Variants in AGBL4 observed in about 807,000 individuals in gnomAD.
AGBL4 encodes the protein AGBL carboxypeptidase 4, also known as cytosolic carboxypeptidase 6.
Under a neutral mutation model 66.4 loss-of-function variants are expected in AGBL4, and 58 were observed. The ratio of observed to expected loss-of-function variants is 0.87; its 90% CI spans 0.71 to 1.09. AGBL4 has a LOEUF of 1.09. Among genes scored for constraint, AGBL4 ranks in the 50% least tolerant of loss-of-function variants. The pLI, the probability that AGBL4 is intolerant of heterozygous loss-of-function variation, is 0.00. For synonymous variants in AGBL4, 234 were observed against 222.9 expected (o/e 1.05, Z -0.44); for missense variants, 579 against 631.0 (o/e 0.92, Z 0.88).
At chr1:48,955,055 G>C (rs1185306330) in intron 5 of AGBL4, among the ~76,000 whole-genome samples, 1 of 152,064 alleles carries the variant, frequency 6.6e-6, no homozygotes, top group Non-Finnish European at 1.5e-5. Context: ...TTCAGAATTG[G>C]GCCTGTATTT....
At chr1:49,017,590 T>C (rs2149016564) in intron 5 of AGBL4, among the ~76,000 whole-genome samples, 1 of 152,270 alleles carries the variant, frequency 6.6e-6, no homozygotes, top group South Asian at 2.1e-4. Context: ...AAAACCCTGA[T>C]GGATTCCTTC....
At chr1:48,723,107 C>T (rs544521675) in intron 6 of AGBL4, among the ~76,000 whole-genome samples, 6 of 152,170 alleles carry the variant, frequency 3.9e-5, no homozygotes, top group Non-Finnish European at 5.9e-5. Context: ...TCCCATGTAG[C>T]CTGCCACACA....
At chr1:48,776,937 G>T (rs1645129045) in intron 6 of AGBL4, 3 of 564,664 alleles carry the variant, frequency 5.3e-6, no homozygotes, top group Non-Finnish European at 8.7e-6. Flanking sequence ...GCTGGGGGGG[G>T]CGGGGGCGGC....
At chr1:49,779,962 A>C (rs1644296306) in intron 2 of AGBL4, among the ~76,000 whole-genome samples, 1 of 152,160 alleles carries the variant, frequency 6.6e-6, no homozygotes, top group Non-Finnish European at 1.5e-5. Flanking sequence ...CATCAAATAC[A>C]AGGGAACTCA....
intron 4 of AGBL4, among the ~76,000 whole-genome samples, chr1:49,234,821 G>A (rs950549300): frequency 6.6e-6 from 1 of 152,140 alleles, no homozygotes; most frequent in Non-Finnish European, 1.5e-5. Flanking sequence ...TATGCATCAG[G>A]AGTAGGTAAT....
intron 2 of AGBL4, among the ~76,000 whole-genome samples, chr1:49,753,177 T>C (rs1651611012): frequency 6.6e-6 from 1 of 152,180 alleles, no homozygotes; most frequent in African/African-American, 2.4e-5. Context: ...GATCTTTACA[T>C]TTTGGTATGG....
chr1:49,851,250 T>C (rs1266639729), intron 2 of AGBL4, 146 bp downstream of exon 2: 1 of 893,452 alleles, frequency 1.1e-6, no homozygotes, highest in Non-Finnish European at 1.5e-6. Flanking sequence ...GTTAGTTCCT[T>C]CAAAATTTTT....
At chr1:49,206,987 C>T (rs185654684) in intron 4 of AGBL4, among the ~76,000 whole-genome samples, 27 of 151,842 alleles carry the variant, frequency 1.8e-4, no homozygotes, top group Admixed American at 3.9e-4. Context: ...TTGTTTTTTC[C>T]GCTTGATTCC....
intron 2 of AGBL4, among the ~76,000 whole-genome samples, chr1:49,753,829 CTCTGATA>C (rs1365648683): frequency 6.6e-6 from 1 of 152,136 alleles, no homozygotes; most frequent in Non-Finnish European, 1.5e-5. Flanking sequence ...GATCTTCAGT[CTCTGATA>C]TCCTTTCTTC....
At chr1:49,086,902 C>G in intron 4 of AGBL4, among the ~76,000 whole-genome samples, 1 of 152,058 alleles carries the variant, frequency 6.6e-6, no homozygotes. Context: ...CAAAGAAATG[C>G]AAGCATGAAG....
chr1:49,326,680 AATC>A (rs772305275), intron 3 of AGBL4, among the ~76,000 whole-genome samples: 1 of 152,214 alleles, frequency 6.6e-6, no homozygotes, highest in African/African-American at 2.4e-5. Context: ...TGAAGAAGGA[AATC>A]ATCAACAGTG....
intron 4 of AGBL4, among the ~76,000 whole-genome samples, chr1:49,069,748 G>C (rs533970774): frequency 6.6e-6 from 1 of 152,030 alleles, no homozygotes; most frequent in South Asian, 2.1e-4. Context: ...CTTTCAAGTA[G>C]TGTTTTCTAA....
At chr1:50,009,551 G>A (rs565860633) in intron 1 of AGBL4, among the ~76,000 whole-genome samples, 1 of 151,930 alleles carries the variant, frequency 6.6e-6, no homozygotes, top group South Asian at 2.1e-4. Context: ...CAGACCACAG[G>A]TAGTATCATG....
chr1:49,061,411 C>T (rs1644399604), intron 4 of AGBL4, among the ~76,000 whole-genome samples: 1 of 152,098 alleles, frequency 6.6e-6, no homozygotes. Context: ...TCCATTGCTC[C>T]ATGTGAAAAG....
intron 2 of AGBL4, among the ~76,000 whole-genome samples, chr1:49,826,859 A>G (rs954866960): frequency 6.6e-6 from 1 of 152,206 alleles, no homozygotes; most frequent in Non-Finnish European, 1.5e-5. Context: ...GTTCCACAAA[A>G]GAAATATTAG....
intron 2 of AGBL4, among the ~76,000 whole-genome samples, chr1:49,741,746 A>G (rs755384387): frequency 5.4e-4 from 82 of 152,242 alleles, no homozygotes; most frequent in Non-Finnish European, 1.0e-3. Flanking sequence ...CTGATTCAAC[A>G]TACGAAAATC....
chr1:48,947,231 G>T (rs1223755302), intron 5 of AGBL4, among the ~76,000 whole-genome samples: 1 of 152,212 alleles, frequency 6.6e-6, no homozygotes, highest in Non-Finnish European at 1.5e-5. Flanking sequence ...TTAGCACCTT[G>T]TGCTTCTCCT....
intron 6 of AGBL4, among the ~76,000 whole-genome samples, chr1:48,716,571 A>G (rs1647054067): frequency 6.6e-6 from 1 of 152,060 alleles, no homozygotes; most frequent in Admixed American, 6.5e-5. Flanking sequence ...ATGAATTCTT[A>G]TTATGTCATT....
chr1:48,951,687 G>C (rs1251176020), intron 5 of AGBL4, among the ~76,000 whole-genome samples: 1 of 152,142 alleles, frequency 6.6e-6, no homozygotes, highest in Non-Finnish European at 1.5e-5. Flanking sequence ...CTGGCATCCT[G>C]ATCTCAGACT....
Sources: allele counts gnomAD v4.1 joint callset (sites outside exome capture counted in the v4.1 genomes callset), GRCh38; gene constraint gnomAD v4.1.1; transcripts MANE v1.5; gene names NCBI Gene and HGNC (gene_info 2026-07-23, HGNC 2026-07-21).